MAPK14: variants seen among roughly 807,000 people sequenced by gnomAD.
The protein encoded by MAPK14 is CSAID-binding protein.
MAPK14 carries 16 observed loss-of-function variants against 49.6 expected under a neutral mutation model. That is an observed-to-expected ratio of 0.32 (90% CI 0.22 to 0.49). The LOEUF is 0.49. MAPK14 is among the 20% of genes least tolerant of loss of function. MAPK14 has a pLI of 0.99. For missense variants in MAPK14, 200 were observed against 441.2 expected (o/e 0.45, Z 4.90); for synonymous variants, 142 against 158.0 (o/e 0.90, Z 0.76).
intron 3 of MAPK14, among the ~76,000 whole-genome samples, chr6:36,061,192 C>A (rs1006028405): frequency 2.6e-5 from 4 of 152,090 alleles, no homozygotes; most frequent in African/African-American, 9.7e-5. Flanking sequence ...GAGCTGTATC[C>A]CAAAATTTTA....
chr6:36,068,750 T>TCCAC (rs1764158806), intron 3 of MAPK14, among the ~76,000 whole-genome samples: 1 of 152,120 alleles, frequency 6.6e-6, no homozygotes, highest in South Asian at 2.1e-4. Flanking sequence ...GCAGTGGTGC[T>TCCAC]GGTCTTAACA....
At chr6:36,085,560 CA>C (rs1432634143) in intron 8 of MAPK14, among the ~76,000 whole-genome samples, 1 of 152,012 alleles carries the variant, frequency 6.6e-6, no homozygotes, top group African/African-American at 2.4e-5. Context: ...CAGCAAATAT[CA>C]AAAAAGACAA....
At chr6:36,117,163 C>T in the MAPK14 span, among the ~76,000 whole-genome samples, 99 of 152,212 alleles carry the variant, frequency 6.5e-4, 1 homozygote, top group Non-Finnish European at 4.6e-4. Context: ...TTCCAGGCCC[C>T]TTGCCCTCGC....
At chr6:36,093,741 AAAC>A (rs1447266441) in intron 8 of MAPK14, among the ~76,000 whole-genome samples, 3 of 151,614 alleles carry the variant, frequency 2.0e-5, no homozygotes, top group Admixed American at 6.6e-5. Flanking sequence ...AAAAAAAAAA[AAAC>A]AACTGACTCT....
At chr6:36,074,951 G>C (rs1347836300) in intron 6 of MAPK14, among the ~76,000 whole-genome samples, 1 of 151,842 alleles carries the variant, frequency 6.6e-6, no homozygotes, top group Non-Finnish European at 1.5e-5. Context: ...TTATGGCCAG[G>C]CGTGGTGGCT....
intron 9 of MAPK14, among the ~76,000 whole-genome samples, chr6:36,102,343 G>A (rs780673462): frequency 2.6e-5 from 3 of 114,218 alleles, no homozygotes; most frequent in African/African-American, 8.3e-5. Context: ...GAGCATTCTC[G>A]TTCACTTGAA....
intron 8 of MAPK14, among the ~76,000 whole-genome samples, chr6:36,089,489 A>G (rs576955551): frequency 3.9e-5 from 6 of 152,320 alleles, no homozygotes; most frequent in African/African-American, 7.2e-5. Flanking sequence ...GATGGCACAT[A>G]TTTACCTATG....
chr6:36,094,262 C>CT (rs1765362402), intron 8 of MAPK14, among the ~76,000 whole-genome samples: 1 of 152,160 alleles, frequency 6.6e-6, no homozygotes, highest in Admixed American at 6.5e-5. Flanking sequence ...TTTTTGCTTG[C>CT]TAAAGAACAC....
rs190948529 is a variant in MAPK14 at position 36,101,935 on chromosome 6, G to T, written c.763-636G>T. On this transcript the variant is annotated intron_variant, in intron 9 of 11. Transcript: ENST00000229794. ...GTGGTTAAGATAGACAGCAGACTTTGCTTCTGAAGGTGATAGTGGGATAGC... is the reference window on the plus strand; with the variant it reads ...GTGGTTAAGATAGACAGCAGACTTTTCTTCTGAAGGTGATAGTGGGATAGC... 2.6e-5 allele frequency among the ~76,000 whole-genome samples: 4 copies of T among 152,308 alleles called. No individual in the cohort carries two copies. The East Asian group carries it at 7.7e-4, about 29-fold the overall frequency.
At chr6:36,034,034 A>T (rs1762643615) in intron 1 of MAPK14, among the ~76,000 whole-genome samples, 1 of 152,124 alleles carries the variant, frequency 6.6e-6, no homozygotes, top group Non-Finnish European at 1.5e-5. Context: ...CTCCTTTCTG[A>T]TAGATGTGGG....
intron 4 of MAPK14, 29 bp downstream of exon 4, chr6:36,073,013 A>T (rs764034560): frequency 8.7e-6 from 12 of 1,380,060 alleles, no homozygotes; most frequent in African/African-American, 5.7e-5. Context: ...ATAATTTTTT[A>T]AAATGAATTC....
At chr6:36,121,621 C>T in the MAPK14 span, among the ~76,000 whole-genome samples, 1 of 152,230 alleles carries the variant, frequency 6.6e-6, no homozygotes, top group Non-Finnish European at 1.5e-5. Context: ...CACACCTGTG[C>T]TCGGGCTGAC....
At chr6:36,081,768 T>A (rs1197722395) in intron 8 of MAPK14, among the ~76,000 whole-genome samples, 3 of 152,114 alleles carry the variant, frequency 2.0e-5, no homozygotes, top group African/African-American at 7.2e-5. Context: ...CATTTCTATT[T>A]CTGCAAAAAA....
At chr6:36,097,379 C>T (rs1219157891) in intron 9 of MAPK14, 1 of 152,150 alleles carries the variant, frequency 6.6e-6, no homozygotes, top group Non-Finnish European at 1.5e-5. Context: ...AGTGTTACCA[C>T]AATGTCAACC....
Position 36,028,336 on chromosome 6 carries a change from C to T in MAPK14, c.116+63C>T, listed in dbSNP as rs1224714684. ...TGGCCCCTCGCGCCCGAGGGCCAGG[C>T]CTGCTCCACTGCTCAGCGTTGCGTC... is the stretch of plus-strand genomic sequence containing the variant. On this transcript the variant is annotated intron_variant, in intron 1 of 11. Transcript: ENST00000229794. This position sits in a 1 kb window ranked among gnomAD's most constrained non-coding sequence, Gnocchi z 5.1. 5.3e-6 allele frequency: 6 copies of T among 1,140,918 alleles called. No homozygotes were observed. The highest frequency in any genetic ancestry group is 7.9e-6 in the Non-Finnish European group (6 of 755,988). 70.7% of individuals were successfully genotyped at this position (1,140,918 alleles called of 1,614,324 possible).
rs1764429790 is a variant in MAPK14, at chr6:36,074,287, T to G, written c.495+191T>G. 2.0e-5 allele frequency among the ~76,000 whole-genome samples: 3 copies of G among 152,226 alleles called. No homozygotes were observed. In the South Asian group the frequency reaches 6.2e-4, roughly 32 times the overall value. On this transcript the variant is annotated intron_variant, in intron 6 of 11. Transcript: ENST00000229794. ...GTGACATTGAAAGTGGCATCACTTG[T>G]TTTTATTTTAACATAAAGTTAAATT...
chr6:36,073,349 A>G (rs1764384965), intron 4 of MAPK14, among the ~76,000 whole-genome samples: 1 of 152,204 alleles, frequency 6.6e-6, no homozygotes, highest in Non-Finnish European at 1.5e-5. Context: ...TAATGTTGAG[A>G]TTTTCAAAAA....
At chr6:36,074,149 T>G (rs1447986005) in intron 6 of MAPK14, 53 bp downstream of exon 6, 1 of 1,438,996 alleles carries the variant, frequency 6.9e-7, no homozygotes, top group African/African-American at 1.4e-5. Context: ...ATTATATGTT[T>G]GACTAAGCAG....
intron 1 of MAPK14, among the ~76,000 whole-genome samples, chr6:36,035,858 A>G (rs1233580333): frequency 6.6e-6 from 1 of 152,210 alleles, no homozygotes; most frequent in African/African-American, 2.4e-5. Context: ...GAAAGCTGCA[A>G]AAGATAAGTT....
Sources: gnomAD v4.1 joint callset for allele counts (sites outside exome capture counted in the v4.1 genomes callset) on GRCh38, gnomAD v4.1.1 for gene constraint, Gnocchi (gnomAD v3.1) non-coding constraint, MANE v1.5 for transcripts, NCBI Gene and HGNC (gene_info 2026-07-23, HGNC 2026-07-21) for gene names.